The following RGS3 variants were observed in gnomAD, a reference collection of about 807,000 sequenced individuals.
RGS3 encodes regulator of G protein signaling 3.
A neutral mutation model predicts 132.6 loss-of-function variants in RGS3; 80 were observed. That is an observed-to-expected ratio of 0.60 (90% CI 0.50 to 0.73). RGS3 has a LOEUF of 0.73. Ranked by LOEUF, RGS3 falls within the 30% of genes least tolerant of loss-of-function variation. The probability of loss-of-function intolerance (pLI) is 0.00; values close to 1 mark genes in which losing one functional copy is unlikely to be tolerated. For synonymous variants in RGS3, 598 were observed against 620.6 expected (o/e 0.96, Z 0.54); for missense variants, 1,382 against 1,530.8 (o/e 0.90, Z 1.62).
exon 3 of RGS3, chr9:113,462,190 T>G (rs773431210): frequency 6.2e-7 from 1 of 1,613,554 alleles, no homozygotes; most frequent in Non-Finnish European, 8.5e-7. Context: ...CATGCCAAAG[T>G]CCAGGGTGCA....
intron 19 of RGS3, among the ~76,000 whole-genome samples, chr9:113,576,142 A>G (rs1449610902): frequency 6.6e-6 from 1 of 151,490 alleles, no homozygotes; most frequent in Non-Finnish European, 1.5e-5. Context: ...GGAGCTTGCA[A>G]TGAGCTGAGA....
At chr9:113,483,605 C>T (rs1001169897) in intron 5 of RGS3, among the ~76,000 whole-genome samples, 4 of 152,194 alleles carry the variant, frequency 2.6e-5, no homozygotes, top group African/African-American at 7.2e-5. Context: ...CAGGAGCTTC[C>T]TAAAGTGTGG....
chr9:113,476,635 C>A (rs1358667467), intron 3 of RGS3, among the ~76,000 whole-genome samples: 2 of 152,210 alleles, frequency 1.3e-5, no homozygotes, highest in Non-Finnish European at 2.9e-5. Context: ...CATCTCAATC[C>A]CGAGTCAGCC....
At chr9:113,484,226 T>A in exon 6 of RGS3, 1 of 1,603,328 alleles carries the variant, frequency 6.2e-7, no homozygotes, top group Non-Finnish European at 8.5e-7. Flanking sequence ...CACGAGCACT[T>A]CTTCTTGTAA....
rs190852319 is a variant in RGS3 at position 113,460,812 on chromosome 9, G to T, written c.80+476G>T. ...TCACTAAGATTCTTTGAGAGTTATT[G>T]TGAAAATGCACCCAAATAAATCCAT... On this transcript the variant is annotated intron_variant, in intron 1 of 24. Transcript: ENST00000350696. Among the ~76,000 whole-genome samples, 3 of 152,242 alleles carry T rather than the reference G, an allele frequency of 2.0e-5. No homozygotes were observed. The East Asian group carries it at 5.8e-4, about 29-fold the overall frequency.
At chr9:113,593,306 C>A (rs1835542668) in intron 21 of RGS3, among the ~76,000 whole-genome samples, 2 of 152,154 alleles carry the variant, frequency 1.3e-5, no homozygotes, top group Non-Finnish European at 2.9e-5. Flanking sequence ...CTTACCAAAC[C>A]CCCTTGAAAG....
At chr9:113,501,643 C>G in intron 10 of RGS3, 1 of 1,559,400 alleles carries the variant, frequency 6.4e-7, no homozygotes, top group South Asian at 1.2e-5. Flanking sequence ...GGGTGCTTGG[C>G]CTCTTGTGGG....
At chr9:113,547,820 A>G (rs1318667192) in intron 19 of RGS3, among the ~76,000 whole-genome samples, 1 of 152,180 alleles carries the variant, frequency 6.6e-6, no homozygotes, top group African/African-American at 2.4e-5. Flanking sequence ...TTTTGCTGGG[A>G]TAACACTACC....
chr9:113,545,948 G>A (rs1266101958), intron 19 of RGS3, among the ~76,000 whole-genome samples: 2 of 152,152 alleles, frequency 1.3e-5, no homozygotes, highest in African/African-American at 4.8e-5. Context: ...CCAGCTCCAG[G>A]GTACCTGCTT....
At chr9:113,511,888 A>T (rs1353765207) in intron 14 of RGS3, among the ~76,000 whole-genome samples, 1 of 152,000 alleles carries the variant, frequency 6.6e-6, no homozygotes, top group Non-Finnish European at 1.5e-5. Flanking sequence ...CAGGCTGGCC[A>T]TGGGGTTTCA....
chr9:113,474,738 C>T (rs962646577), intron 3 of RGS3, among the ~76,000 whole-genome samples: 3 of 152,148 alleles, frequency 2.0e-5, no homozygotes, highest in Non-Finnish European at 4.4e-5. Context: ...AAATGGGCAG[C>T]GGCTTCTGGG....
intron 3 of RGS3, among the ~76,000 whole-genome samples, chr9:113,471,180 G>A (rs1250753741): frequency 6.6e-6 from 1 of 152,074 alleles, no homozygotes; most frequent in Non-Finnish European, 1.5e-5. Flanking sequence ...TCTGATTACA[G>A]TTCACTCTAT....
chr9:113,536,580 G>A, intron 18 of RGS3: 1 of 1,370,766 alleles, frequency 7.3e-7, no homozygotes, highest in Non-Finnish European at 9.5e-7. Context: ...CAACCTGTGG[G>A]CCCACAGCTC....
At chr9:113,584,241 C>G (rs770890573) in exon 20 of RGS3, 1 of 1,611,386 alleles carries the variant, frequency 6.2e-7, no homozygotes, top group Admixed American at 1.7e-5. Context: ...GGACGCACAG[C>G]GAGGGCAGCC....
chr9:113,517,740 A>G (rs1831750877), intron 16 of RGS3, 116 bp downstream of exon 14: 3 of 737,628 alleles, frequency 4.1e-6, no homozygotes, highest in Non-Finnish European at 6.6e-6. Flanking sequence ...TTCTCAGGGT[A>G]GGGGAGACCT....
intron 3 of RGS3, among the ~76,000 whole-genome samples, chr9:113,472,810 G>A (rs1400091766): frequency 6.6e-6 from 1 of 152,120 alleles, no homozygotes; most frequent in African/African-American, 2.4e-5. Context: ...AGGCTGAGGC[G>A]GGTGGATCAT....
intron 19 of RGS3, chr9:113,580,683 G>T (rs762237276): frequency 3.6e-4 from 163 of 454,558 alleles, no homozygotes; most frequent in Non-Finnish European, 4.5e-4. Context: ...TCTCTGGGTA[G>T]GTGCCCTCTG....
chr9:113,549,444 T>C (rs773681810), intron 19 of RGS3, among the ~76,000 whole-genome samples: 3 of 151,968 alleles, frequency 2.0e-5, no homozygotes, highest in Non-Finnish European at 4.4e-5. Context: ...TTTCTTTGTT[T>C]GTTTGTTTGT....
At chr9:113,488,301 A>G (rs1830400293) in intron 7 of RGS3, among the ~76,000 whole-genome samples, 1 of 152,094 alleles carries the variant, frequency 6.6e-6, no homozygotes, top group South Asian at 2.1e-4. Flanking sequence ...AGGTGCTTGG[A>G]GGGGAGCCAG....
Sources: allele counts gnomAD v4.1 joint callset (sites outside exome capture counted in the v4.1 genomes callset), GRCh38; gene constraint gnomAD v4.1.1; transcripts MANE v1.5; gene names NCBI Gene and HGNC (gene_info 2026-07-23, HGNC 2026-07-21).